The following RASAL2 variants were observed in gnomAD, a reference collection of about 807,000 sequenced individuals.
RASAL2 encodes the protein RAS protein activator like 2, also known as ras GTPase-activating protein nGAP.
A neutral mutation model predicts 128.9 loss-of-function variants in RASAL2; 58 were observed. The observed-to-expected ratio is 0.45, with a 90% CI of 0.36 to 0.56. RASAL2 has a LOEUF of 0.56. Among genes scored for constraint, RASAL2 ranks in the 20% least tolerant of loss-of-function variants. RASAL2 has a pLI of 0.00. For missense variants in RASAL2, 1,360 were observed against 1,601.6 expected (o/e 0.85, Z 2.57); for synonymous variants, 561 against 580.8 (o/e 0.97, Z 0.49).
At chr1:178,241,439 C>T (rs1418354616) in intron 1 of RASAL2, among the ~76,000 whole-genome samples, 2 of 152,080 alleles carry the variant, frequency 1.3e-5, no homozygotes, top group Non-Finnish European at 2.9e-5. Context: ...AGGAGAAATA[C>T]TTTAGGGGTA....
chr1:178,384,332 C>G (rs1417871990), intron 3 of RASAL2, among the ~76,000 whole-genome samples: 1 of 152,086 alleles, frequency 6.6e-6, no homozygotes, highest in African/African-American at 2.4e-5. Flanking sequence ...CTATAAATAT[C>G]TTTCTACATT....
intron 1 of RASAL2, among the ~76,000 whole-genome samples, chr1:178,230,864 G>A (rs1043297502): frequency 1.3e-5 from 2 of 152,056 alleles, no homozygotes; most frequent in African/African-American, 4.8e-5. Flanking sequence ...TTCTTCCCTT[G>A]GGGTAGGCTG....
intron 8 of RASAL2, among the ~76,000 whole-genome samples, chr1:178,444,299 G>T (rs373733485): frequency 2.0e-5 from 3 of 152,026 alleles, no homozygotes; most frequent in African/African-American, 7.2e-5. Context: ...GACCGATTTT[G>T]CACCCATCGA....
chr1:178,120,297 T>G (rs936217238), intron 1 of RASAL2, among the ~76,000 whole-genome samples: 4 of 152,108 alleles, frequency 2.6e-5, no homozygotes, highest in African/African-American at 9.7e-5. Context: ...TTGTTGGCAG[T>G]CTTAGAGTCC....
In RASAL2 at chr1:178,465,941, C is replaced by G; in HGVS notation, c.3409C>G (p.Leu1137Val). The G allele has an allele frequency of 1.3e-6, 2 of 1,553,234 alleles. No homozygotes were observed. Among genetic ancestry groups the G allele is most frequent in the Non-Finnish European group, 1.7e-6 (2 of 1,147,818 alleles). ...CTAGTATGAACAAGAAATTACTAAA[C>G]TGAAGGAGCGCCTGAGAGTTTCCAG... ...AEKYEQEITK[L>V]KERLRVSSRR... Residue 1137 changes from leucine (L) to valine (V), a missense_variant, in exon 16 of 18, where the codon CTG (leucine) becomes GTG (valine). This residue lies in a region of RASAL2 where 741 missense variants were observed against 868.6 expected (regional missense o/e 0.85). Transcript: ENST00000367649.
At chr1:178,186,683 T>C (rs1400307202) in intron 1 of RASAL2, among the ~76,000 whole-genome samples, 1 of 152,188 alleles carries the variant, frequency 6.6e-6, no homozygotes, top group African/African-American at 2.4e-5. Flanking sequence ...TATAACCAGT[T>C]TTCAGTAATT....
At chr1:178,361,709 TG>T (rs1396126283) in intron 3 of RASAL2, among the ~76,000 whole-genome samples, 1 of 150,912 alleles carries the variant, frequency 6.6e-6, no homozygotes, top group Non-Finnish European at 1.5e-5. Flanking sequence ...GAGTCGGGGG[TG>T]GGGGTTGGTT....
intron 4 of RASAL2, among the ~76,000 whole-genome samples, chr1:178,401,632 G>A (rs1673635614): frequency 1.3e-5 from 2 of 152,016 alleles, no homozygotes; most frequent in African/African-American, 2.4e-5. Context: ...CTTGGGCAAC[G>A]TAGTGAGACC....
intron 5 of RASAL2, among the ~76,000 whole-genome samples, chr1:178,429,853 A>G (rs905851107): frequency 2.0e-5 from 3 of 151,950 alleles, no homozygotes; most frequent in Non-Finnish European, 2.9e-5. Context: ...GCTCACTTCT[A>G]GTTCATCCTC....
intron 2 of RASAL2, among the ~76,000 whole-genome samples, chr1:178,289,023 C>T (rs1301040906): frequency 1.3e-5 from 2 of 152,126 alleles, no homozygotes; most frequent in African/African-American, 4.8e-5. Context: ...CCTTTCTCTT[C>T]TCTCCTTTAT....
chr1:178,381,582 A>G (rs932823032), intron 3 of RASAL2, among the ~76,000 whole-genome samples: 1 of 151,942 alleles, frequency 6.6e-6, no homozygotes, highest in Non-Finnish European at 1.5e-5. Flanking sequence ...ACAGGTTTAC[A>G]TATTTGTATG....
intron 4 of RASAL2, among the ~76,000 whole-genome samples, chr1:178,395,971 C>A (rs1673199248): frequency 6.6e-6 from 1 of 151,304 alleles, no homozygotes; most frequent in Admixed American, 6.6e-5. Context: ...ATTTTAAAAT[C>A]TTCTAATGAT....
intron 1 of RASAL2, among the ~76,000 whole-genome samples, chr1:178,255,229 C>T (rs1364963209): frequency 6.6e-6 from 1 of 151,926 alleles, no homozygotes; most frequent in African/African-American, 2.4e-5. Flanking sequence ...AAGCAAGTAA[C>T]TCCAGACAGT....
At chr1:178,232,531 C>A (rs1214217777) in intron 1 of RASAL2, among the ~76,000 whole-genome samples, 2 of 152,132 alleles carry the variant, frequency 1.3e-5, no homozygotes, top group Admixed American at 1.3e-4. Flanking sequence ...ATAGCAAATA[C>A]CCTCTGCCTC....
At chr1:178,236,258 ACC>A (rs1291736333) in intron 1 of RASAL2, among the ~76,000 whole-genome samples, 1 of 152,144 alleles carries the variant, frequency 6.6e-6, no homozygotes, top group East Asian at 1.9e-4. Flanking sequence ...GGGCTAAGCT[ACC>A]CCAACCTATA....
intron 11 of RASAL2, among the ~76,000 whole-genome samples, chr1:178,453,968 G>C (rs960028240): frequency 5.3e-5 from 8 of 151,962 alleles, no homozygotes; most frequent in African/African-American, 1.7e-4. Context: ...TTTGGAACAG[G>C]TTTTATGGAC....
intron 6 of RASAL2, among the ~76,000 whole-genome samples, chr1:178,440,439 A>G (rs1676558577): frequency 6.6e-6 from 1 of 151,938 alleles, no homozygotes; most frequent in Admixed American, 6.6e-5. Context: ...TTTTTTTTAA[A>G]ACTAAGTCTT....
intron 3 of RASAL2, among the ~76,000 whole-genome samples, chr1:178,377,317 A>C (rs1017874694): frequency 7.2e-5 from 11 of 152,140 alleles, no homozygotes; most frequent in Admixed American, 3.3e-4. Flanking sequence ...CCTCAAAAAT[A>C]ATATAGAGAC....
chr1:178,208,839 AC>A (rs1558116058), intron 1 of RASAL2, among the ~76,000 whole-genome samples: 1 of 152,072 alleles, frequency 6.6e-6, no homozygotes, highest in African/African-American at 2.4e-5. Flanking sequence ...ATGTGATGTC[AC>A]CCCTGGCGGC....
Sources: gnomAD v4.1 joint callset for allele counts (sites outside exome capture counted in the v4.1 genomes callset) on GRCh38, gnomAD v4.1.1 for gene constraint, gnomAD v4.1.1 regional missense constraint, MANE v1.5 for transcripts, NCBI Gene and HGNC (gene_info 2026-07-23, HGNC 2026-07-21) for gene names.